PHACTR3: variants seen among roughly 807,000 people sequenced by gnomAD.
PHACTR3 encodes the protein protein phosphatase 1, regulatory subunit 123.
Under a neutral mutation model 66.8 loss-of-function variants are expected in PHACTR3, and 16 were observed. That is an observed-to-expected ratio of 0.24 (90% CI 0.16 to 0.36). PHACTR3 has a LOEUF of 0.36. Ranked by LOEUF, PHACTR3 falls within the 10% of genes least tolerant of loss-of-function variation. The pLI, the probability that PHACTR3 is intolerant of heterozygous loss-of-function variation, is 1.00. For missense variants in PHACTR3, 647 were observed against 719.9 expected (o/e 0.90, Z 1.16); for synonymous variants, 323 against 292.1 (o/e 1.11, Z -1.08).
chr20:59,737,998 G>GT (rs1266933201), intron 1 of PHACTR3, among the ~76,000 whole-genome samples: 2 of 152,166 alleles, frequency 1.3e-5, no homozygotes, highest in Non-Finnish European at 2.9e-5. Context: ...TAGGGCAGAA[G>GT]TGGGGGGAGG....
intron 4 of PHACTR3, among the ~76,000 whole-genome samples, chr20:59,757,675 G>A (rs570658324): frequency 6.6e-5 from 10 of 152,278 alleles, no homozygotes; most frequent in East Asian, 1.9e-4. Flanking sequence ...TCCAGGGCCC[G>A]GTGAGGTGGG....
chr20:59,687,836 A>G lies in PHACTR3; in HGVS notation c.119-55271A>G, dbSNP rs541551388. 3.3e-5 allele frequency among the ~76,000 whole-genome samples: 5 copies of G among 152,216 alleles called. No homozygotes were observed. In the South Asian group the frequency reaches 8.3e-4, roughly 25 times the overall value. On this transcript the variant is annotated intron_variant, in intron 1 of 12. Coordinates refer to ENST00000371015, the MANE Select transcript of PHACTR3 (RefSeq NM_080672.5). ...GACACGCTTTGAGTAGTGCTGTTTC[A>G]GATGAAAATCACATCACATGGGGCT... is the stretch of plus-strand genomic sequence containing the variant.
chr20:59,616,401 G>A (rs570112618), intron 1 of PHACTR3, among the ~76,000 whole-genome samples: 1 of 152,312 alleles, frequency 6.6e-6, no homozygotes, highest in African/African-American at 2.4e-5. Flanking sequence ...TCAAGATGCA[G>A]GAGGGAGGGC....
At chr20:59,834,129 G>A (rs1434923268) in intron 8 of PHACTR3, among the ~76,000 whole-genome samples, 1 of 152,136 alleles carries the variant, frequency 6.6e-6, no homozygotes, top group Non-Finnish European at 1.5e-5. Context: ...TTAGCCAGAG[G>A]AGCTGTGCAA....
intron 8 of PHACTR3, among the ~76,000 whole-genome samples, chr20:59,818,099 T>A (rs2041934669): frequency 6.6e-6 from 1 of 152,200 alleles, no homozygotes; most frequent in African/African-American, 2.4e-5. Flanking sequence ...GGGGCCCTTG[T>A]GTGCGGCCCT....
intron 1 of PHACTR3, among the ~76,000 whole-genome samples, chr20:59,632,535 G>A (rs1291294545): frequency 1.3e-5 from 2 of 152,200 alleles, no homozygotes; most frequent in African/African-American, 4.8e-5. Flanking sequence ...AATGGAACTA[G>A]CCCAAAGGAA....
Position 59,767,286 on chromosome 20 carries a change from G to A in PHACTR3, c.642G>A (p.Leu214=), listed in dbSNP as rs144660782. 1.9e-6 allele frequency: 3 copies of A among 1,614,206 alleles called. No homozygotes were observed. The African/African-American group carries it at 4.0e-5, about 22-fold the overall frequency. ...AAGCCTTAGCTGGGGCTGACTCCCT[G>A]GACAGTCCTCCCAGACCTCTGGAGA... ...LSQALAGADS[L]DSPPRPLERS... is the part of the protein sequence containing the mutation. Residue 214 remains leucine (L), a synonymous_variant, in exon 5 of 13, where the codon CTG becomes CTA. Coordinates refer to ENST00000371015, the MANE Select transcript of PHACTR3 (RefSeq NM_080672.5).
chr20:59,773,151 G>A (rs1235138320), intron 5 of PHACTR3, 128 bp from the exon 6 acceptor site: 5 of 1,014,856 alleles, frequency 4.9e-6, no homozygotes, highest in African/African-American at 1.6e-5. Context: ...CAGCATCTTG[G>A]CATTAGTTGG....
chr20:59,764,429 T>G (rs1299352893), intron 4 of PHACTR3, among the ~76,000 whole-genome samples: 1 of 152,104 alleles, frequency 6.6e-6, no homozygotes, highest in African/African-American at 2.4e-5. Flanking sequence ...GAGTGCTGAG[T>G]AGCTCTAGAC....
chr20:59,783,019 AT>A (rs760741145), intron 7 of PHACTR3, among the ~76,000 whole-genome samples: 9 of 152,294 alleles, frequency 5.9e-5, no homozygotes, highest in African/African-American at 1.9e-4. Context: ...CTAACGTGTT[AT>A]TTGAATGCCA....
intron 2 of PHACTR3, among the ~76,000 whole-genome samples, chr20:59,746,464 T>G (rs939353142): frequency 5.3e-5 from 8 of 152,076 alleles, no homozygotes; most frequent in Admixed American, 1.3e-4. Flanking sequence ...GTGTAAGGGG[T>G]TTCCATAGAT....
intron 1 of PHACTR3, among the ~76,000 whole-genome samples, chr20:59,648,491 A>G (rs1027438693): frequency 2.0e-5 from 3 of 152,200 alleles, no homozygotes; most frequent in Non-Finnish European, 4.4e-5. Context: ...AGTCCATCTC[A>G]GAGTCTTTAA....
chr20:59,847,666 T>TTAATTTTGTTCTTTAATTAAATGACTA lies in PHACTR3; in HGVS notation c.*537_*563dup, dbSNP rs2059176502. ...TACAGCTGCAACATTTTGATTCCTG[T>TTAATTTTGTTCTTTAATTAAATGACTA]TAATTTTGTTCTTTAATTAAATGAC... On this transcript the variant is annotated 3_prime_UTR_variant, in exon 13 of 13. Transcript: ENST00000371015. 6.5e-6 allele frequency: 1 copy of TTAATTTTGTTCTTTAATTAAATGACTA among 152,716 alleles called. No homozygotes were observed. 9.5% of individuals were successfully genotyped at this position (152,716 alleles called of 1,614,324 possible). A position where few individuals can be genotyped will look rare whatever the true frequency, so the allele number is the denominator to read the frequency against.
At chr20:59,716,906 G>A (rs6015561) in intron 1 of PHACTR3, among the ~76,000 whole-genome samples, 52,058 of 152,026 alleles carry the variant, frequency 0.34, 9,814 homozygotes, top group Middle Eastern at 0.46. Flanking sequence ...GGCAAAAAAC[G>A]CAAGCGTGGG....
chr20:59,605,120 G>T lies in PHACTR3; in HGVS notation c.106G>T (p.Gly36Trp). The change falls in exon 1 of 13, where the codon GGG (glycine) becomes TGG (tryptophan). Residue 36 changes from glycine to tryptophan, a missense_variant. This residue lies in a region of PHACTR3 where 577 missense variants were observed against 571.1 expected (regional missense o/e 1.01). Transcript: ENST00000371015. ...CTCGGCCACCTCCTCCGCGGACGCC[G>T]GGGAGAACCCAGGTAACGGGCTGGG... ...DSSATSSADA[G>W]ENPDEMDQTP... is the part of the protein sequence containing the mutation. 2.9e-6 allele frequency: 4 copies of T among 1,367,134 alleles called. No homozygotes were observed. The highest frequency in any genetic ancestry group is 1.8e-5 in the South Asian group (1 of 54,270). The allele number at this position is 1,367,134 out of a possible 1,614,324, so 84.7% of individuals were successfully genotyped here. A position where few individuals can be genotyped will look rare whatever the true frequency, so the allele number is the denominator to read the frequency against.
chr20:59,584,308 CTG>C (rs1048096964), intron 1 of PHACTR3, among the ~76,000 whole-genome samples: 13 of 148,566 alleles, frequency 8.8e-5, no homozygotes, highest in South Asian at 2.1e-4. Flanking sequence ...CTGTGTGTGA[CTG>C]TGTGTGTGAG....
intron 7 of PHACTR3, among the ~76,000 whole-genome samples, chr20:59,801,429 G>A (rs2041411442): frequency 1.3e-5 from 2 of 152,216 alleles, no homozygotes; most frequent in African/African-American, 4.8e-5. Context: ...TGTCCACCTT[G>A]GTCAGAAGCA....
chr20:59,752,752 A>C (rs575612041), intron 3 of PHACTR3, among the ~76,000 whole-genome samples: 1 of 152,338 alleles, frequency 6.6e-6, no homozygotes, highest in East Asian at 1.9e-4. Context: ...CAGCAGTGAC[A>C]GTCATGGCAG....
intron 1 of PHACTR3, among the ~76,000 whole-genome samples, chr20:59,637,930 G>A (rs1302370978): frequency 1.3e-5 from 2 of 152,272 alleles, no homozygotes; most frequent in East Asian, 3.9e-4. Context: ...CCTCATGAGA[G>A]CTCTAAGAGA....
Sources: gnomAD v4.1 joint callset for allele counts (sites outside exome capture counted in the v4.1 genomes callset) on GRCh38, gnomAD v4.1.1 for gene constraint, gnomAD v4.1.1 regional missense constraint, MANE v1.5 for transcripts, NCBI Gene and HGNC (gene_info 2026-07-23, HGNC 2026-07-21) for gene names.